The following ABI2 variants were observed in gnomAD, a reference collection of about 807,000 sequenced individuals.
The protein encoded by ABI2 is abelson interactor 2.
ABI2 carries 25 observed loss-of-function variants against 59.2 expected under a neutral mutation model. The observed-to-expected ratio is 0.42, with a 90% CI of 0.31 to 0.59. The LOEUF (loss-of-function observed/expected upper bound fraction) is 0.59. Among genes scored for constraint, ABI2 ranks in the 20% least tolerant of loss-of-function variants. The probability of loss-of-function intolerance (pLI) is 0.14; values close to 1 mark genes in which losing one functional copy is unlikely to be tolerated. For synonymous variants in ABI2, 213 were observed against 235.5 expected (o/e 0.90, Z 0.87); for missense variants, 545 against 681.8 (o/e 0.80, Z 2.23).
chr2:203,411,589 A>G (rs1253014692), intron 10 of ABI2, among the ~76,000 whole-genome samples: 2 of 152,242 alleles, frequency 1.3e-5, no homozygotes, highest in African/African-American at 4.8e-5. Flanking sequence ...TAAGGCACAT[A>G]TAAGAAAAGA....
At chr2:203,383,801 G>A (rs907557120) in intron 4 of ABI2, among the ~76,000 whole-genome samples, 1 of 152,138 alleles carries the variant, frequency 6.6e-6, no homozygotes, top group South Asian at 2.1e-4. Flanking sequence ...TTTAATCAGG[G>A]TAGCTGATTA....
intron 4 of ABI2, among the ~76,000 whole-genome samples, chr2:203,387,366 C>T (rs985361345): frequency 4.6e-5 from 7 of 152,130 alleles, no homozygotes; most frequent in African/African-American, 1.7e-4. Context: ...TATTAAGTCA[C>T]AATAATTGGC....
At chr2:203,347,025 G>A (rs560756070) in intron 1 of ABI2, among the ~76,000 whole-genome samples, 33 of 152,284 alleles carry the variant, frequency 2.2e-4, no homozygotes, top group Non-Finnish European at 4.0e-4. Flanking sequence ...GAAGGACTTT[G>A]TGTTCTTACA....
chr2:203,404,203 A>G (rs1202564941), intron 9 of ABI2, among the ~76,000 whole-genome samples: 1 of 152,206 alleles, frequency 6.6e-6, no homozygotes, highest in African/African-American at 2.4e-5. Context: ...TCTTTTATAC[A>G]GTTACATCCT....
rs533761191 is a variant in ABI2 at position 203,345,253 on chromosome 2, A to G, written c.117+16622A>G. Among the ~76,000 whole-genome samples, 5 of 152,242 alleles carry G rather than the reference A, an allele frequency of 3.3e-5. No homozygotes were observed. In the South Asian group the frequency reaches 1.0e-3, roughly 32 times the overall value. The stretch of plus-strand genomic sequence containing the variant: ...ATAACTCCAGACACGCCATTTTGAG[A>G]GCTGTAACGCTCACTGCGAAGGTCT... On this transcript the variant is annotated intron_variant, in intron 1 of 11. Transcript: ENST00000261018.
At chr2:203,356,436 T>G (rs1236914875) in intron 1 of ABI2, among the ~76,000 whole-genome samples, 1 of 152,166 alleles carries the variant, frequency 6.6e-6, no homozygotes, top group African/African-American at 2.4e-5. Flanking sequence ...TGGCGTGATC[T>G]TGGCTCACTG....
rs532587299 is a variant in ABI2 at position 203,363,905 on chromosome 2, C to T, written c.118-2972C>T. 1.4e-4 allele frequency among the ~76,000 whole-genome samples: 21 copies of T among 151,892 alleles called. 1 individual carries two copies. The highest frequency in any genetic ancestry group is 2.9e-4 in the Non-Finnish European group (20 of 67,982). On this transcript the variant is annotated intron_variant, in intron 1 of 11. Coordinates refer to ENST00000261018, the MANE Select transcript of ABI2 (RefSeq NM_001375670.1). ...TCAGACTCCCAAGTAGCTGGGATTACAGGCATGTGCCACCATGCCTGGCTA... is the reference window on the plus strand; with the variant it reads ...TCAGACTCCCAAGTAGCTGGGATTATAGGCATGTGCCACCATGCCTGGCTA...
intron 1 of ABI2, among the ~76,000 whole-genome samples, chr2:203,335,355 TCAAA>T (rs1364571602): frequency 3.9e-5 from 6 of 152,220 alleles, no homozygotes; most frequent in East Asian, 3.8e-4. Flanking sequence ...ACTCCCAAGC[TCAAA>T]CAGTCTTCAC....
intron 4 of ABI2, among the ~76,000 whole-genome samples, chr2:203,387,242 G>T (rs1396661441): frequency 6.6e-6 from 1 of 152,088 alleles, no homozygotes; most frequent in Non-Finnish European, 1.5e-5. Flanking sequence ...ATGAATTAGA[G>T]ATACTTGGCT....
intron 1 of ABI2, among the ~76,000 whole-genome samples, chr2:203,341,425 T>C (rs1486517122): frequency 6.6e-6 from 1 of 152,152 alleles, no homozygotes; most frequent in African/African-American, 2.4e-5. Flanking sequence ...TGAAATAAAT[T>C]AGTTTTGGGC....
chr2:203,375,990 T>G, intron 2 of ABI2: 1 of 1,232,422 alleles, frequency 8.1e-7, no homozygotes, highest in Non-Finnish European at 1.1e-6. Flanking sequence ...AATTATACCG[T>G]TGTTAGATTA....
chr2:203,359,565 C>G (rs1183183856), intron 1 of ABI2, among the ~76,000 whole-genome samples: 2 of 152,166 alleles, frequency 1.3e-5, no homozygotes, highest in African/African-American at 4.8e-5. Context: ...AACAAAATAT[C>G]TTAGGCTGGG....
intron 9 of ABI2, 72 bp from the exon 10 acceptor site, chr2:203,411,213 A>T: frequency 8.7e-7 from 1 of 1,147,916 alleles, no homozygotes; most frequent in Non-Finnish European, 1.3e-6. Flanking sequence ...TGTTTATTTT[A>T]TTGTATTATC....
chr2:203,383,892 AG>A (rs1286853201), intron 4 of ABI2, among the ~76,000 whole-genome samples: 1 of 147,766 alleles, frequency 6.8e-6, no homozygotes, highest in Non-Finnish European at 1.5e-5. Context: ...GCACTTTTTG[AG>A]CTCTGTCTTT....
chr2:203,351,061 T>C (rs374753562), intron 1 of ABI2, among the ~76,000 whole-genome samples: 4 of 152,282 alleles, frequency 2.6e-5, no homozygotes, highest in Admixed American at 6.5e-5. Context: ...TATTTACTCT[T>C]TTGCATGTCA....
chr2:203,402,207 GT>G lies in ABI2; in HGVS notation c.1034-368del, dbSNP rs549000165. 8.5e-5 allele frequency among the ~76,000 whole-genome samples: 13 copies of G among 152,190 alleles called. No homozygotes were observed. In the East Asian group the frequency reaches 2.3e-3, roughly 27 times the overall value. On this transcript the variant is annotated intron_variant, in intron 8 of 11. Coordinates refer to ENST00000261018, the MANE Select transcript of ABI2 (RefSeq NM_001375670.1). ...ACGCCACCATACCTGGCTAATTTTT[GT>G]GTTTTTAGTTGAAACGGGGTTTCAC... is the stretch of plus-strand genomic sequence containing the variant.
At position 203,349,570 on chromosome 2, in the gene ABI2, A is replaced by G. The variant is rs578212494; in HGVS notation, c.118-17307A>G. Among the ~76,000 whole-genome samples the G allele has an allele frequency of 3.9e-5, 6 of 151,954 alleles. No individual in the cohort carries two copies. The South Asian group carries it at 1.0e-3, about 26-fold the overall frequency. ...CAGGCACATGCCACCATGCCTGGCT[A>G]ATTTTTGTATTTTTAGTAAAGACAG... On this transcript the variant is annotated intron_variant, in intron 1 of 11. Transcript: ENST00000261018.
chr2:203,421,162 G>A (rs1055636026), intron 11 of ABI2, among the ~76,000 whole-genome samples: 1 of 152,132 alleles, frequency 6.6e-6, no homozygotes, highest in Non-Finnish European at 1.5e-5. Flanking sequence ...GGAGATACCT[G>A]ATAATAGTGT....
At position 203,409,772 on chromosome 2, in the gene ABI2, G is replaced by A. The variant is rs2248015; in HGVS notation, c.1193-1513G>A. 4.2e-3 allele frequency among the ~76,000 whole-genome samples: 638 copies of A among 152,166 alleles called. 3 individuals carry two copies. Among genetic ancestry groups the A allele is most frequent in the African/African-American group, 0.013 (551 of 41,526 alleles). On this transcript the variant is annotated intron_variant, in intron 9 of 11. Coordinates refer to ENST00000261018, the MANE Select transcript of ABI2 (RefSeq NM_001375670.1). ...TCTTTGCAGCCACTATTGGAAGTAGGTTGCATTACCTTGTTTTCATATCAC... is the reference window on the plus strand; with the variant it reads ...TCTTTGCAGCCACTATTGGAAGTAGATTGCATTACCTTGTTTTCATATCAC...
Sources: gnomAD v4.1 joint callset for allele counts (sites outside exome capture counted in the v4.1 genomes callset) on GRCh38, gnomAD v4.1.1 for gene constraint, MANE v1.5 for transcripts, NCBI Gene and HGNC (gene_info 2026-07-23, HGNC 2026-07-21) for gene names.